DLGAP2: variants seen among roughly 807,000 people sequenced by gnomAD.
DLGAP2 encodes disks large-associated protein 2.
Under a neutral mutation model 100.3 loss-of-function variants are expected in DLGAP2, and 26 were observed. The observed-to-expected ratio is 0.26, with a 90% CI of 0.19 to 0.36. The LOEUF (loss-of-function observed/expected upper bound fraction) is 0.36. Among genes scored for constraint, DLGAP2 ranks in the 10% least tolerant of loss-of-function variants. The pLI, the probability that DLGAP2 is intolerant of heterozygous loss-of-function variation, is 1.00. For synonymous variants in DLGAP2, 886 were observed against 630.1 expected, an observed-to-expected ratio of 1.41 and a Z score of -6.08; for missense variants, 1,858 against 1,453.2, an observed-to-expected ratio of 1.28 and a Z score of -4.53.
intron 8 of DLGAP2, among the ~76,000 whole-genome samples, chr8:1,652,361 T>C (rs1345588616): frequency 1.3e-5 from 2 of 152,204 alleles, no homozygotes; most frequent in Non-Finnish European, 2.9e-5. Flanking sequence ...GGCCGGGTTT[T>C]CCTCGCTGCT....
intron 1 of DLGAP2, among the ~76,000 whole-genome samples, chr8:767,710 A>T (rs1821251758): frequency 6.6e-6 from 1 of 152,174 alleles, no homozygotes; most frequent in African/African-American, 2.4e-5. Context: ...TAGGGTTGAG[A>T]CATTATATTT....
At chr8:1,153,728 GT>G (rs1205854134) in intron 2 of DLGAP2, among the ~76,000 whole-genome samples, 12 of 152,102 alleles carry the variant, frequency 7.9e-5, no homozygotes, top group Admixed American at 1.3e-4. Flanking sequence ...TTATTTTAAT[GT>G]CATTAGCTCT....
At chr8:1,027,252 A>G (rs1028754895) in intron 2 of DLGAP2, among the ~76,000 whole-genome samples, 2 of 152,268 alleles carry the variant, frequency 1.3e-5, no homozygotes, top group African/African-American at 4.8e-5. Context: ...GCGTTAATCC[A>G]GCACATATTA....
intron 3 of DLGAP2, among the ~76,000 whole-genome samples, chr8:1,358,704 C>A (rs1467345783): frequency 6.6e-6 from 1 of 152,024 alleles, no homozygotes; most frequent in Non-Finnish European, 1.5e-5. Flanking sequence ...CGTGTTATCC[C>A]CACTGTGTAA....
At chr8:1,538,885 CTT>C (rs11285812) in intron 4 of DLGAP2, among the ~76,000 whole-genome samples, 2,575 of 110,336 alleles carry the variant, frequency 0.023, 80 homozygotes, top group African/African-American at 0.073. Context: ...TGTCACTCAT[CTT>C]TTTTTTTTTT....
intron 3 of DLGAP2, among the ~76,000 whole-genome samples, chr8:1,456,121 C>T (rs945726342): frequency 1.3e-5 from 2 of 152,182 alleles, no homozygotes; most frequent in Non-Finnish European, 1.5e-5. Context: ...TCCCATGTCG[C>T]GTTGAACTCA....
intron 2 of DLGAP2, among the ~76,000 whole-genome samples, chr8:1,227,143 G>C (rs1039791001): frequency 5.6e-5 from 3 of 53,258 alleles, no homozygotes; most frequent in African/African-American, 5.0e-4. Context: ...AATGGGTAAG[G>C]AAACTGTGAG....
intron 3 of DLGAP2, among the ~76,000 whole-genome samples, chr8:1,331,005 G>T (rs189048071): frequency 7.1e-6 from 1 of 141,766 alleles, no homozygotes; most frequent in East Asian, 2.1e-4. Flanking sequence ...CCGCTTCATG[G>T]GGACTGAGTT....
In DLGAP2 at chr8:1,701,247, C is replaced by T. The variant is rs769712813; in HGVS notation, c.3009C>T (p.Ile1003=). The change falls in exon 15 of 15, where the codon ATC becomes ATT. Residue 1003 remains isoleucine, a synonymous_variant. Coordinates refer to ENST00000637795, the MANE Select transcript of DLGAP2 (RefSeq NM_001346810.2). Reference sequence around the variant, plus strand: ...AGCCTCCCAAGGGGAAGTTTCCCATCACAAGAGAAAAATCCCTGGACCTGC... The same window carrying T: ...AGCCTCCCAAGGGGAAGTTTCCCATTACAAGAGAAAAATCCCTGGACCTGC... ...PKKPPKGKFP[I]TREKSLDLPD... 3.8e-6 allele frequency: 6 copies of T among 1,580,126 alleles called. No homozygotes were observed. Among genetic ancestry groups the T allele is most frequent in the East Asian group, 4.7e-5 (2 of 42,634 alleles).
chr8:1,446,192 C>T (rs1277219018), intron 3 of DLGAP2, among the ~76,000 whole-genome samples: 1 of 152,020 alleles, frequency 6.6e-6, no homozygotes, highest in Non-Finnish European at 1.5e-5. Context: ...ATGGTATTGC[C>T]TAGGTTTTCT....
At chr8:1,240,151 CAT>C (rs1224656033) in intron 2 of DLGAP2, among the ~76,000 whole-genome samples, 18 of 149,490 alleles carry the variant, frequency 1.2e-4, no homozygotes, top group Non-Finnish European at 2.5e-4. Context: ...AGTTCTCTCT[CAT>C]ACATAGTGTC....
At chr8:958,142 A>T (rs191467390) in intron 2 of DLGAP2, among the ~76,000 whole-genome samples, 2 of 152,290 alleles carry the variant, frequency 1.3e-5, no homozygotes, top group Non-Finnish European at 2.9e-5. Context: ...CAATATTTAT[A>T]ATGTTGATCT....
chr8:882,477 T>G (rs1367977819), intron 1 of DLGAP2, among the ~76,000 whole-genome samples: 1 of 114,756 alleles, frequency 8.7e-6, no homozygotes, highest in Non-Finnish European at 1.8e-5. Flanking sequence ...GCGGGCACCC[T>G]CGCCTGATCC....
chr8:1,176,723 A>C (rs1797267180), intron 2 of DLGAP2, among the ~76,000 whole-genome samples: 1 of 151,942 alleles, frequency 6.6e-6, no homozygotes, highest in Non-Finnish European at 1.5e-5. Flanking sequence ...CCTGTTGTGC[A>C]CTCAGGTGCA....
chr8:777,995 C>T (rs1453158960), intron 1 of DLGAP2, among the ~76,000 whole-genome samples: 2 of 152,096 alleles, frequency 1.3e-5, no homozygotes, highest in Non-Finnish European at 2.9e-5. Flanking sequence ...ACCAATCAGA[C>T]GTAGATTTGG....
At chr8:1,363,915 G>C (rs1315720514) in intron 3 of DLGAP2, among the ~76,000 whole-genome samples, 1 of 152,144 alleles carries the variant, frequency 6.6e-6, no homozygotes. Context: ...CCGGCTGGGG[G>C]GTCCCTCCCT....
chr8:1,678,121 T>C, intron 11 of DLGAP2, 93 bp from the exon 12 acceptor site: 2 of 1,433,318 alleles, frequency 1.4e-6, no homozygotes, highest in Non-Finnish European at 9.4e-7. Context: ...GCTGTTGAGC[T>C]CAGGTGCGCT....
chr8:1,311,991 C>A (rs1379585154), intron 3 of DLGAP2, among the ~76,000 whole-genome samples: 1 of 152,188 alleles, frequency 6.6e-6, no homozygotes, highest in Non-Finnish European at 1.5e-5. Context: ...TTGACAGATC[C>A]AGCAGGCAGA....
intron 2 of DLGAP2, among the ~76,000 whole-genome samples, chr8:1,220,014 A>G (rs1023056695): frequency 6.6e-6 from 1 of 151,906 alleles, no homozygotes; most frequent in African/African-American, 2.4e-5. Flanking sequence ...TTTAAACTTA[A>G]TCTAGCTAGT....
Sources: allele counts gnomAD v4.1 joint callset (sites outside exome capture counted in the v4.1 genomes callset), GRCh38; gene constraint gnomAD v4.1.1; transcripts MANE v1.5; gene names NCBI Gene and HGNC (gene_info 2026-07-23, HGNC 2026-07-21).